Variants in UBE2H observed in about 807,000 individuals in gnomAD.
UBE2H encodes the protein ubiquitin-conjugating enzyme E2 H.
A neutral mutation model predicts 29.0 loss-of-function variants in UBE2H; 3 were observed. The observed-to-expected ratio is 0.10, with a 90% CI of 0.05 to 0.27. The LOEUF (loss-of-function observed/expected upper bound fraction) is 0.27, where lower values mean the gene tolerates loss of function less well. Ranked by LOEUF, UBE2H falls within the 10% of genes least tolerant of loss-of-function variation. The pLI is 1.00. For synonymous variants in UBE2H, 69 were observed against 82.9 expected (o/e 0.83, Z 0.91); for missense variants, 68 against 228.2 (o/e 0.30, Z 4.52).
intron 6 of UBE2H, 38 bp downstream of exon 6, chr7:129,839,169 G>A (rs768903714): frequency 1.9e-6 from 3 of 1,597,886 alleles, no homozygotes; most frequent in Non-Finnish European, 8.5e-7. Context: ...ACAGATTTAA[G>A]TTCTTTTGTC....
At chr7:129,886,242 T>G (rs1171271867) in intron 1 of UBE2H, among the ~76,000 whole-genome samples, 1 of 152,204 alleles carries the variant, frequency 6.6e-6, no homozygotes, top group African/African-American at 2.4e-5. Flanking sequence ...CACCATTTTG[T>G]GTAGAATAAT....
intron 1 of UBE2H, among the ~76,000 whole-genome samples, chr7:129,910,752 G>T (rs1377042380): frequency 6.6e-6 from 1 of 151,996 alleles, no homozygotes; most frequent in Admixed American, 6.6e-5. Flanking sequence ...TGTGGTGGTG[G>T]GCACCTATAA....
chr7:129,865,248 T>C (rs187681471), intron 3 of UBE2H, among the ~76,000 whole-genome samples: 37 of 152,202 alleles, frequency 2.4e-4, no homozygotes, highest in Admixed American at 3.9e-4. Context: ...ATAAATAACA[T>C]TGTGCTAAGT....
intron 1 of UBE2H, among the ~76,000 whole-genome samples, chr7:129,941,513 C>A (rs1807641664): frequency 6.6e-6 from 1 of 152,166 alleles, no homozygotes; most frequent in African/African-American, 2.4e-5. Context: ...AACATACTAT[C>A]ATTGCTCCAA....
chr7:129,847,127 A>G (rs937473091), intron 5 of UBE2H, among the ~76,000 whole-genome samples: 1 of 152,044 alleles, frequency 6.6e-6, no homozygotes, highest in African/African-American at 2.4e-5. Flanking sequence ...GCTCACTGGA[A>G]CCTCTGCCTT....
intron 1 of UBE2H, among the ~76,000 whole-genome samples, chr7:129,918,135 C>T (rs1453466153): frequency 6.6e-6 from 1 of 152,190 alleles, no homozygotes. Flanking sequence ...TAAAAAGGGA[C>T]TGGCAGCCCA....
chr7:129,897,637 G>C (rs1806625011), intron 1 of UBE2H, among the ~76,000 whole-genome samples: 1 of 152,172 alleles, frequency 6.6e-6, no homozygotes, highest in Admixed American at 6.5e-5. Context: ...TAGACAGAAT[G>C]CTAAATGCAA....
intron 1 of UBE2H, among the ~76,000 whole-genome samples, chr7:129,888,568 A>G (rs888848338): frequency 1.3e-5 from 2 of 151,854 alleles, no homozygotes; most frequent in African/African-American, 4.8e-5. Flanking sequence ...TCCGCCTCCC[A>G]GGTTCAAGCC....
intron 1 of UBE2H, among the ~76,000 whole-genome samples, chr7:129,926,240 T>A (rs938313145): frequency 5.3e-5 from 8 of 151,586 alleles, no homozygotes; most frequent in African/African-American, 1.7e-4. Context: ...CCCGGCACAG[T>A]GGCTCATGCC....
rs1247164179 is a variant in UBE2H at position 129,884,614 on chromosome 7, A to C, written c.54-3643T>G. 3.5e-5 allele frequency among the ~76,000 whole-genome samples: 5 copies of C among 142,912 alleles called. No homozygotes were observed. In the South Asian group the frequency reaches 8.7e-4, roughly 25 times the overall value. 93.8% of individuals were successfully genotyped at this position (142,912 alleles called of 152,430 possible). The stretch of plus-strand genomic sequence containing the variant: ...ACTATTTTTTTTTTTTTTTTTTGAG[A>C]TAGGGTCTCACTCTGTCATTCAGGC... On this transcript the variant is annotated intron_variant, in intron 1 of 6. Coordinates refer to ENST00000355621, the MANE Select transcript of UBE2H (RefSeq NM_003344.4).
Position 129,897,524 on chromosome 7 carries a change from T to G in UBE2H, c.54-16553A>C, listed in dbSNP as rs62491521. On this transcript the variant is annotated intron_variant, in intron 1 of 6. Coordinates refer to ENST00000355621, the MANE Select transcript of UBE2H (RefSeq NM_003344.4). ...AAAAAGGGGAAGAGAATACTAGACT[T>G]CGGCCTTTTTAAAGCAATACATGCA... 6.5e-3 allele frequency among the ~76,000 whole-genome samples: 991 copies of G among 152,324 alleles called. 4 individuals are homozygous for G. The highest frequency in any genetic ancestry group is 9.1e-3 in the Non-Finnish European group (620 of 68,028).
intron 3 of UBE2H, among the ~76,000 whole-genome samples, chr7:129,861,383 T>C (rs1805799118): frequency 6.6e-6 from 1 of 151,944 alleles, no homozygotes; most frequent in Non-Finnish European, 1.5e-5. Flanking sequence ...GGTAGTATTT[T>C]CTCCGCTGCA....
chr7:129,930,909 CAAAAAAA>C (rs71175050), intron 1 of UBE2H, among the ~76,000 whole-genome samples: 1 of 34,288 alleles, frequency 2.9e-5, no homozygotes, highest in Non-Finnish European at 5.1e-5. Flanking sequence ...CCCCGTCTCA[CAAAAAAA>C]AAAAAAAAAA....
At chr7:129,886,276 G>A (rs561431750) in intron 1 of UBE2H, among the ~76,000 whole-genome samples, 16 of 152,174 alleles carry the variant, frequency 1.1e-4, no homozygotes, top group African/African-American at 3.9e-4. Flanking sequence ...AAGAACCCAA[G>A]TCCATTTCAC....
rs1374532600 is a variant in UBE2H at position 129,858,959 on chromosome 7, A to T, written c.206-18T>A. On this transcript the variant is annotated intron_variant, in intron 3 of 6. Transcript: ENST00000355621. ...CATGAATCCTGTAAAAAGAGATGTT[A>T]ATTAGCAGCAAAAAGTATCCAGAGA... 6.2e-7 allele frequency: 1 copy of T among 1,602,916 alleles called. No homozygotes were observed. Among genetic ancestry groups the T allele is most frequent in the Admixed American group, 1.7e-5 (1 of 59,686 alleles).
chr7:129,863,326 A>C (rs1238839797), intron 3 of UBE2H, among the ~76,000 whole-genome samples: 1 of 152,230 alleles, frequency 6.6e-6, no homozygotes, highest in Non-Finnish European at 1.5e-5. Context: ...ACCACAAAGC[A>C]AAGTACTAAA....
At chr7:129,850,645 A>C (rs1035356213) in intron 5 of UBE2H, among the ~76,000 whole-genome samples, 1 of 152,006 alleles carries the variant, frequency 6.6e-6, no homozygotes, top group Non-Finnish European at 1.5e-5. Context: ...GTGAAATGCT[A>C]TCTCTACTAA....
chr7:129,951,448 T>G (rs922376164), intron 1 of UBE2H: 1 of 151,422 alleles, frequency 6.6e-6, no homozygotes, highest in Non-Finnish European at 1.5e-5. Context: ...GACTAGCTGT[T>G]CAGAACTCTG....
At chr7:129,845,762 T>G (rs1805500577) in intron 5 of UBE2H, among the ~76,000 whole-genome samples, 2 of 152,264 alleles carry the variant, frequency 1.3e-5, no homozygotes, top group Non-Finnish European at 2.9e-5. Context: ...ACCACAAGTC[T>G]AATCTCAGGC....
Sources: allele counts gnomAD v4.1 joint callset (sites outside exome capture counted in the v4.1 genomes callset), GRCh38; gene constraint gnomAD v4.1.1; transcripts MANE v1.5; gene names NCBI Gene and HGNC (gene_info 2026-07-23, HGNC 2026-07-21).